PPDPF: variants seen among roughly 807,000 people sequenced by gnomAD.
The protein encoded by PPDPF is pancreatic progenitor cell differentiation and proliferation factor, also known as exocrine differentiation and proliferation factor.
In PPDPF, 11 loss-of-function variants were observed where a neutral mutation model predicts 6.3. The observed-to-expected ratio is 1.76, with a 90% CI of 1.11 to 2.91. The LOEUF is 2.91. PPDPF is among the 30% of genes most tolerant of loss of function. The probability of loss-of-function intolerance (pLI) is 0.00; values close to 1 mark genes in which losing one functional copy is unlikely to be tolerated. For synonymous variants in PPDPF, 86 were observed against 64.5 expected, an observed-to-expected ratio of 1.33 and a Z score of -1.60; for missense variants, 202 against 159.4, an observed-to-expected ratio of 1.27 and a Z score of -1.44.
In PPDPF at chr20:63,521,883, G is replaced by C; in HGVS notation, c.*4G>C. 1 of 1,574,422 alleles carries C rather than the reference G, an allele frequency of 6.4e-7. No individual in the cohort carries two copies. The highest frequency in any genetic ancestry group is 8.6e-7 in the Non-Finnish European group (1 of 1,161,070). On this transcript the variant is annotated 3_prime_UTR_variant, in exon 4 of 4. Coordinates refer to ENST00000370179, the MANE Select transcript of PPDPF (RefSeq NM_024299.4). ...CAGCGCTGGGCCCCCGTCCTGACCT[G>C]AGCGGTTACCACCAGCCCCAGGCCT...
intron 2 of PPDPF, 50 bp downstream of exon 2, chr20:63,521,413 G>T (rs370065529): frequency 1.3e-6 from 2 of 1,594,532 alleles, no homozygotes; most frequent in Non-Finnish European, 1.7e-6. Context: ...TGGCGCCAGT[G>T]CCGGCCCCGT....
At position 63,521,371 on chromosome 20, in the gene PPDPF, G is replaced by A. The variant is rs763903321; in HGVS notation, c.55+8G>A. Reference sequence around the variant, plus strand: ...CCCACGACTACTACCGGCGTGAGTAGCCCCTGCCCCCCATCCACGCGGATG... The same window carrying A: ...CCCACGACTACTACCGGCGTGAGTAACCCCTGCCCCCCATCCACGCGGATG... On this transcript the variant is annotated splice_region_variant and intron_variant, in intron 2 of 3. Coordinates refer to ENST00000370179, the MANE Select transcript of PPDPF (RefSeq NM_024299.4). 4 of 1,607,372 alleles carry A rather than the reference G, an allele frequency of 2.5e-6. 1 individual carries two copies. The South Asian group carries it at 4.4e-5, about 18-fold the overall frequency.
chr20:63,521,465 T>TG (rs1206014405), intron 2 of PPDPF, 47 bp from the exon 3 acceptor site: 9 of 1,564,406 alleles, frequency 5.8e-6, no homozygotes, highest in South Asian at 2.3e-5. Flanking sequence ...GCCGGTGGGC[T>TG]GGGGGGCTCC....
chr20:63,521,445 C>T (rs2082544184), intron 2 of PPDPF, 67 bp from the exon 3 acceptor site: 1 of 1,578,442 alleles, frequency 6.3e-7, no homozygotes, highest in African/African-American at 1.3e-5. Context: ...AACCAGCGCT[C>T]GGCCTGAAGG....
rs1173547275 is a variant in PPDPF, at chr20:63,521,952, C to A, written c.*73C>A. ...CAGAGCCCCTCCCCGCCCCTCTCCC[C>A]ACTCCGCATCCCTCGCCCCCCTCCC... On this transcript the variant is annotated 3_prime_UTR_variant, in exon 4 of 4. Transcript: ENST00000370179. The A allele has an allele frequency of 1.7e-6, 2 of 1,196,132 alleles. No individual in the cohort carries two copies. Among genetic ancestry groups the A allele is most frequent in the Non-Finnish European group, 2.3e-6 (2 of 860,070 alleles). 74.1% of individuals were successfully genotyped at this position (1,196,132 alleles called of 1,614,324 possible).
At chr20:63,520,953 G>A (rs1160049437) in intron 1 of PPDPF, 59 bp downstream of exon 1, 9 of 1,018,404 alleles carry the variant, frequency 8.8e-6, no homozygotes, top group Non-Finnish European at 9.4e-6. Flanking sequence ...GGCGAGGGGC[G>A]GGGCTGGGCC....
chr20:63,521,843 T>TGACCTGCA lies in PPDPF; in HGVS notation c.309_310insGACCTGCA (p.Gln104AspfsTer57). On this transcript the variant is annotated frameshift_variant, in exon 4 of 4. Coordinates refer to ENST00000370179, the MANE Select transcript of PPDPF (RefSeq NM_024299.4). LOFTEE classifies it low-confidence loss of function (END_TRUNC). ...ACGCCCCGAGGAAGCAGCCCGGCGG[T>TGACCTGCA]CAGTCCAGCACAGCCAGCGCTGGGC... 2 of 1,606,624 alleles carry TGACCTGCA rather than the reference T, an allele frequency of 1.2e-6. No homozygotes were observed. The highest frequency in any genetic ancestry group is 3.4e-5 in the Admixed American group (2 of 59,110).
chr20:63,521,114 G>A (rs889966925), intron 1 of PPDPF, among the ~76,000 whole-genome samples, 170 bp from the exon 2 acceptor site: 12 of 152,046 alleles, frequency 7.9e-5, no homozygotes, highest in African/African-American at 2.9e-4. Flanking sequence ...CACCCGCTCG[G>A]CCGGTTTGGG....
Position 63,521,867 on chromosome 20 carries a change from G to A in PPDPF, c.333G>A (p.Gly111=), listed in dbSNP as rs747992674. 1.5e-5 allele frequency: 24 copies of A among 1,591,444 alleles called. No homozygotes were observed. The Middle Eastern group carries it at 8.3e-4, about 55-fold the overall frequency. Residue 111 remains glycine (G), a synonymous_variant, in exon 4 of 4, where the codon GGG becomes GGA. Coordinates refer to ENST00000370179, the MANE Select transcript of PPDPF (RefSeq NM_024299.4). ...GTCAGTCCAGCACAGCCAGCGCTGGGCCCCCGTCCTGACCTGAGCGGTTAC... is the reference window on the plus strand; with the variant it reads ...GTCAGTCCAGCACAGCCAGCGCTGGACCCCCGTCCTGACCTGAGCGGTTAC... ...PGGQSSTASA[G]PPS
In PPDPF at chr20:63,521,898, G is replaced by T. The variant is rs554285189; in HGVS notation, c.*19G>T. 7 of 1,557,830 alleles carry T rather than the reference G, an allele frequency of 4.5e-6. No individual in the cohort carries two copies. The highest frequency in any genetic ancestry group is 6.1e-6 in the Non-Finnish European group (7 of 1,151,490). On this transcript the variant is annotated 3_prime_UTR_variant, in exon 4 of 4. Transcript: ENST00000370179. ...GTCCTGACCTGAGCGGTTACCACCA[G>T]CCCCAGGCCTGCGGAGGCGCTAGTC... is the stretch of plus-strand genomic sequence containing the variant.
Position 63,520,801 on chromosome 20 carries a change from C to G in PPDPF, c.-119C>G. ...GCCTCTCTGTCGTGGCGCGGCTTCC[C>G]GCGGTCTTCTCTGCAAATGGGCTCC... On this transcript the variant is annotated 5_prime_UTR_variant, in exon 1 of 4. Transcript: ENST00000370179. 1.0e-6 allele frequency: 1 copy of G among 984,904 alleles called. No homozygotes were observed. Among genetic ancestry groups the G allele is most frequent in the Non-Finnish European group, 1.2e-6 (1 of 829,862 alleles). The allele number at this position is 984,904 out of a possible 1,614,324, so 61.0% of individuals were successfully genotyped here.
rs769265128 is a variant in PPDPF at position 63,521,971 on chromosome 20, C to G, written c.*92C>G. The G allele has an allele frequency of 2.1e-6, 2 of 965,264 alleles. No individual in the cohort carries two copies. Among genetic ancestry groups the G allele is most frequent in the African/African-American group, 1.8e-5 (1 of 56,966 alleles). 59.8% of individuals were successfully genotyped at this position (965,264 alleles called of 1,614,324 possible). A position where few individuals can be genotyped will look rare whatever the true frequency, so the allele number is the denominator to read the frequency against. Reference sequence around the variant, plus strand: ...TCTCCCCACTCCGCATCCCTCGCCCCCCTCCCCACCTCCCACCCCCCACCC... The same window carrying G: ...TCTCCCCACTCCGCATCCCTCGCCCGCCTCCCCACCTCCCACCCCCCACCC... On this transcript the variant is annotated 3_prime_UTR_variant, in exon 4 of 4. Transcript: ENST00000370179.
At position 63,520,777 on chromosome 20, in the gene PPDPF, C is replaced by T. The variant is rs1053564661; in HGVS notation, c.-143C>T. ...TCCGCGCGTGCGCACCCCGCGCGCG[C>T]CTCTCTGTCGTGGCGCGGCTTCCCG... On this transcript the variant is annotated 5_prime_UTR_variant, in exon 1 of 4. Transcript: ENST00000370179. The T allele has an allele frequency of 1.6e-5, 16 of 984,614 alleles. No individual in the cohort carries two copies. The highest frequency in any genetic ancestry group is 1.9e-5 in the Non-Finnish European group (16 of 829,684). 61.0% of individuals were successfully genotyped at this position (984,614 alleles called of 1,614,324 possible). A position where few individuals can be genotyped will look rare whatever the true frequency, so the allele number is the denominator to read the frequency against.
intron 2 of PPDPF, 43 bp downstream of exon 2, chr20:63,521,406 C>T (rs776373457): frequency 5.0e-6 from 8 of 1,597,738 alleles, no homozygotes; most frequent in Middle Eastern, 1.7e-4. Flanking sequence ...GCTCTGCTGG[C>T]GCCAGTGCCG....
rs1032176309 is a variant in PPDPF, at chr20:63,521,805, G to A, written c.271G>A (p.Gly91Ser). The change falls in exon 4 of 4, where the codon GGC (glycine) becomes AGC (serine). Residue 91 changes from glycine (G) to serine (S), a missense_variant. Transcript: ENST00000370179. ...GGCCTCCAGCAGCATGACCGCCTGT[G>A]GCCTGGCTCGGGACGCCCCGAGGAA... ...PQASSSMTACGLARDAPRKQP... is the reference protein window; with the variant it reads ...PQASSSMTACSLARDAPRKQP... 12 of 1,612,102 alleles carry A rather than the reference G, an allele frequency of 7.4e-6. No individual in the cohort carries two copies. In the African/African-American group the frequency reaches 1.6e-4, roughly 22 times the overall value.
rs2082546103 is a variant in PPDPF at position 63,521,554 on chromosome 20, C to T, written c.98C>T (p.Thr33Ile). 1 of 1,604,160 alleles carries T rather than the reference C, an allele frequency of 6.2e-7. No individual in the cohort carries two copies. The highest frequency in any genetic ancestry group is 1.1e-5 in the South Asian group (1 of 89,696). The change falls in exon 3 of 4, where the codon ACC becomes ATC. Residue 33 changes from threonine (T) to isoleucine (I), a missense_variant. Physicochemically the swap from Thr to Ile is moderately conservative, Grantham distance 89. Coordinates refer to ENST00000370179, the MANE Select transcript of PPDPF (RefSeq NM_024299.4). ...TCCAGCAACAGCTCCTGCAGCAGTA[C>T]CGAGTGCCCCGGGGAAGCCATTCCC... is the stretch of plus-strand genomic sequence containing the variant. Reference protein sequence around the residue: ...STSSNSSCSSTECPGEAIPHP... With the variant: ...STSSNSSCSSIECPGEAIPHP...
At position 63,522,008 on chromosome 20, in the gene PPDPF, C is replaced by T. The variant is rs1317301041; in HGVS notation, c.*129C>T. The T allele has an allele frequency of 1.2e-5, 9 of 723,052 alleles. No homozygotes were observed. The highest frequency in any genetic ancestry group is 3.4e-5 in the South Asian group (2 of 58,304). 44.8% of individuals were successfully genotyped at this position (723,052 alleles called of 1,614,324 possible). A position where few individuals can be genotyped will look rare whatever the true frequency, so the allele number is the denominator to read the frequency against. On this transcript the variant is annotated 3_prime_UTR_variant, in exon 4 of 4. Transcript: ENST00000370179. ...CCCACCCCCCACCCTGTAAACTAGG[C>T]GGCTGCAGCAAGCAGACCTTCGCAT... is the stretch of plus-strand genomic sequence containing the variant.
chr20:63,520,763 G>C (rs549199367), upstream of PPDPF: 1 of 984,738 alleles, frequency 1.0e-6, no homozygotes, highest in East Asian at 1.1e-4. Flanking sequence ...CCGCGCGTGC[G>C]CACCCCGCGC....
chr20:63,520,741 A>G (rs890121402), upstream of PPDPF: 3 of 977,072 alleles, frequency 3.1e-6, no homozygotes, highest in Non-Finnish European at 3.6e-6. Flanking sequence ...CCGCGCATAT[A>G]AGTGGGCGCG....
Sources: gnomAD v4.1 joint callset for allele counts (sites outside exome capture counted in the v4.1 genomes callset) on GRCh38, gnomAD v4.1.1 for gene constraint, MANE v1.5 for transcripts, NCBI Gene and HGNC (gene_info 2026-07-23, HGNC 2026-07-21) for gene names.